The following EDAR variants were observed in gnomAD, a reference collection of about 807,000 sequenced individuals.
EDAR encodes ectodysplasin A receptor.
EDAR carries 38 observed loss-of-function variants against 51.3 expected under a neutral mutation model. That is an observed-to-expected ratio of 0.74 (90% CI 0.57 to 0.97). The LOEUF (loss-of-function observed/expected upper bound fraction) is 0.97. Ranked by LOEUF, EDAR falls within the 50% of genes least tolerant of loss-of-function variation. The pLI, the probability that EDAR is intolerant of heterozygous loss-of-function variation, is 0.00. For missense variants in EDAR, 528 were observed against 595.0 expected (o/e 0.89, Z 1.17); for synonymous variants, 227 against 242.1 (o/e 0.94, Z 0.58).
At chr2:108,957,255 A>G (rs946333171) in intron 1 of EDAR, among the ~76,000 whole-genome samples, 1 of 152,114 alleles carries the variant, frequency 6.6e-6, no homozygotes, top group Non-Finnish European at 1.5e-5. Context: ...GTGGCTGTTC[A>G]CCTTCGCTTC....
intron 11 of EDAR, among the ~76,000 whole-genome samples, chr2:108,898,280 C>T (rs1207563558): frequency 6.6e-6 from 1 of 152,128 alleles, no homozygotes. Context: ...TTCTCATCAA[C>T]CAGCTGGTAA....
intron 1 of EDAR, among the ~76,000 whole-genome samples, chr2:108,939,846 C>A (rs1697556620): frequency 6.6e-6 from 1 of 152,208 alleles, no homozygotes; most frequent in African/African-American, 2.4e-5. Flanking sequence ...CCTGCCTCCC[C>A]CAGACCCAGC....
Position 108,894,704 on chromosome 2 carries a change from T to A in EDAR, c.*2203A>T, listed in dbSNP as rs1490511478. 6.6e-6 allele frequency: 1 copy of A among 152,388 alleles called. No homozygotes were observed. Among genetic ancestry groups the A allele is most frequent in the Non-Finnish European group, 1.5e-5 (1 of 68,020 alleles). 9.4% of individuals were successfully genotyped at this position (152,388 alleles called of 1,614,324 possible). On this transcript the variant is annotated 3_prime_UTR_variant, in exon 12 of 12. Coordinates refer to ENST00000258443, the MANE Select transcript of EDAR (RefSeq NM_022336.4). ...ATTATTATGATCTCATTGTTCTGAA[T>A]CCCATAACATAGGCTAAAGCTTGTC...
chr2:108,904,084 A>G (rs1696758397), intron 11 of EDAR, among the ~76,000 whole-genome samples: 1 of 152,214 alleles, frequency 6.6e-6, no homozygotes, highest in Non-Finnish European at 1.5e-5. Flanking sequence ...ACTAGTGTCT[A>G]GAATATATTT....
chr2:108,954,814 T>A (rs1257552218), intron 1 of EDAR, among the ~76,000 whole-genome samples: 1 of 152,118 alleles, frequency 6.6e-6, no homozygotes, highest in Non-Finnish European at 1.5e-5. Flanking sequence ...TAGCTAGTAT[T>A]ACAGGCGCCC....
intron 1 of EDAR, among the ~76,000 whole-genome samples, chr2:108,960,813 T>A (rs1310279625): frequency 6.6e-6 from 1 of 152,236 alleles, no homozygotes; most frequent in Non-Finnish European, 1.5e-5. Flanking sequence ...GTATCCTGTT[T>A]GCTTAATGAT....
At chr2:108,933,962 A>G (rs1697419420) in intron 1 of EDAR, among the ~76,000 whole-genome samples, 1 of 152,194 alleles carries the variant, frequency 6.6e-6, no homozygotes, top group Non-Finnish European at 1.5e-5. Flanking sequence ...GGCTCTCAGC[A>G]GGGCTGGAGG....
At chr2:108,941,112 T>C (rs1316773418) in intron 1 of EDAR, among the ~76,000 whole-genome samples, 2 of 152,248 alleles carry the variant, frequency 1.3e-5, no homozygotes, top group Non-Finnish European at 2.9e-5. Context: ...GGGCAGCTGG[T>C]TTCTTTCACT....
At chr2:108,988,100 G>A (rs573955191) in intron 1 of EDAR, among the ~76,000 whole-genome samples, 2 of 152,192 alleles carry the variant, frequency 1.3e-5, no homozygotes, top group Non-Finnish European at 2.9e-5. Context: ...CCTCACATGC[G>A]TGTACCCCTG....
At chr2:108,910,302 G>T (rs1373827592) in intron 9 of EDAR, among the ~76,000 whole-genome samples, 158 bp downstream of exon 9, 1 of 152,178 alleles carries the variant, frequency 6.6e-6, no homozygotes, top group African/African-American at 2.4e-5. Flanking sequence ...CCTGACCCCT[G>T]CCAGTCAGCA....
intron 5 of EDAR, among the ~76,000 whole-genome samples, chr2:108,918,815 G>A (rs1349808002): frequency 6.6e-6 from 1 of 152,188 alleles, no homozygotes; most frequent in Non-Finnish European, 1.5e-5. Context: ...TTAGAGGCTG[G>A]CTGGGATTCT....
At chr2:108,987,649 C>A (rs1698519094) in intron 1 of EDAR, among the ~76,000 whole-genome samples, 1 of 152,210 alleles carries the variant, frequency 6.6e-6, no homozygotes, top group Non-Finnish European at 1.5e-5. Context: ...ACTGTGCTGT[C>A]ACAAATTAAT....
chr2:108,960,358 T>C (rs1574406016), intron 1 of EDAR, among the ~76,000 whole-genome samples: 1 of 152,196 alleles, frequency 6.6e-6, no homozygotes, highest in Non-Finnish European at 1.5e-5. Context: ...TGGAGGGTGG[T>C]CTATGTTCTC....
chr2:108,932,964 C>T (rs1277891699), intron 1 of EDAR, among the ~76,000 whole-genome samples: 1 of 152,164 alleles, frequency 6.6e-6, no homozygotes, highest in East Asian at 1.9e-4. Context: ...CCGAGTACAA[C>T]AGCACATGCC....
intron 1 of EDAR, among the ~76,000 whole-genome samples, chr2:108,973,587 T>C (rs1308024733): frequency 6.6e-6 from 1 of 152,090 alleles, no homozygotes; most frequent in Non-Finnish European, 1.5e-5. Context: ...CCTCAATGAC[T>C]TCTTCCCTCA....
At chr2:108,946,918 C>A (rs556342989) in intron 1 of EDAR, among the ~76,000 whole-genome samples, 6 of 152,216 alleles carry the variant, frequency 3.9e-5, no homozygotes, top group African/African-American at 1.2e-4. Context: ...ATTTCAAAAC[C>A]AATCATGCCT....
intron 11 of EDAR, among the ~76,000 whole-genome samples, chr2:108,904,164 A>G (rs1020036121): frequency 2.6e-5 from 4 of 152,216 alleles, no homozygotes; most frequent in African/African-American, 9.6e-5. Context: ...AAAGACATGA[A>G]GAAACATTCA....
chr2:108,917,601 C>T (rs1697050726), intron 5 of EDAR, among the ~76,000 whole-genome samples: 1 of 152,168 alleles, frequency 6.6e-6, no homozygotes, highest in Non-Finnish European at 1.5e-5. Context: ...GTCCACAATT[C>T]AGTGCCTCTG....
intron 5 of EDAR, among the ~76,000 whole-genome samples, chr2:108,913,230 T>C (rs1364071210): frequency 6.6e-6 from 1 of 152,008 alleles, no homozygotes; most frequent in East Asian, 1.9e-4. Context: ...ATTACAGGCA[T>C]GAGCCACCGC....
Sources: gnomAD v4.1 joint callset for allele counts (sites outside exome capture counted in the v4.1 genomes callset) on GRCh38, gnomAD v4.1.1 for gene constraint, MANE v1.5 for transcripts, NCBI Gene and HGNC (gene_info 2026-07-23, HGNC 2026-07-21) for gene names.